RIMS1: variants seen among roughly 807,000 people sequenced by gnomAD.
The protein encoded by RIMS1 is regulating synaptic membrane exocytosis 1, also known as regulating synaptic membrane exocytosis protein 1.
RIMS1 carries 83 observed loss-of-function variants against 214.1 expected under a neutral mutation model. That is an observed-to-expected ratio of 0.39 (90% confidence interval 0.32 to 0.47). The LOEUF (loss-of-function observed/expected upper bound fraction) is 0.47. Ranked by LOEUF, RIMS1 falls within the 20% of genes least tolerant of loss-of-function variation. The pLI is 0.99. For missense variants in RIMS1, 2,050 were observed against 2,161.8 expected (o/e 0.95, Z 1.03); for synonymous variants, 793 against 786.8 (o/e 1.01, Z -0.13).
chr6:71,982,649 C>T (rs1798793254), intron 2 of RIMS1, among the ~76,000 whole-genome samples: 1 of 152,180 alleles, frequency 6.6e-6, no homozygotes, highest in African/African-American at 2.4e-5. Context: ...TAATCAGTCA[C>T]TATGTCCTGT....
intron 4 of RIMS1, among the ~76,000 whole-genome samples, chr6:72,131,362 C>A (rs1480325991): frequency 1.3e-5 from 2 of 152,112 alleles, no homozygotes; most frequent in East Asian, 1.9e-4. Context: ...CACGTAGGTT[C>A]TTTTCTGTTT....
intron 4 of RIMS1, among the ~76,000 whole-genome samples, chr6:72,135,343 TATC>T (rs1211380437): frequency 1.3e-5 from 2 of 152,262 alleles, no homozygotes; most frequent in South Asian, 2.1e-4. Flanking sequence ...TCAGTGCAAT[TATC>T]ATGCATAATG....
intron 2 of RIMS1, among the ~76,000 whole-genome samples, chr6:71,975,679 T>A (rs558833801): frequency 6.6e-6 from 1 of 152,280 alleles, no homozygotes; most frequent in South Asian, 2.1e-4. Context: ...AATTCAGGAA[T>A]GTTTTCATCA....
intron 2 of RIMS1, among the ~76,000 whole-genome samples, chr6:72,085,334 C>T (rs553694583): frequency 2.1e-4 from 32 of 152,102 alleles, no homozygotes; most frequent in Admixed American, 1.4e-3. Context: ...TCTGAAGCAA[C>T]CTATGTTTAA....
chr6:72,015,741 A>G (rs1267980735), intron 2 of RIMS1, among the ~76,000 whole-genome samples: 1 of 152,120 alleles, frequency 6.6e-6, no homozygotes, highest in Non-Finnish European at 1.5e-5. Flanking sequence ...CCTGGCTAAC[A>G]TGGTGAAACC....
intron 2 of RIMS1, among the ~76,000 whole-genome samples, chr6:71,969,470 C>G (rs1265055928): frequency 6.6e-6 from 1 of 152,136 alleles, no homozygotes; most frequent in Non-Finnish European, 1.5e-5. Flanking sequence ...AGTCCATTAT[C>G]TAACCCTCAA....
At chr6:71,966,017 T>A (rs957492679) in intron 1 of RIMS1, among the ~76,000 whole-genome samples, 1 of 152,204 alleles carries the variant, frequency 6.6e-6, no homozygotes, top group African/African-American at 2.4e-5. Context: ...GTTACACAGT[T>A]TCCATATGTT....
intron 29 of RIMS1, among the ~76,000 whole-genome samples, chr6:72,339,918 C>G (rs1008370680): frequency 9.4e-4 from 143 of 152,078 alleles, no homozygotes; most frequent in African/African-American, 3.4e-3. Flanking sequence ...AAAAGTGTTC[C>G]TATTTCTCCA....
intron 31 of RIMS1, among the ~76,000 whole-genome samples, chr6:72,396,601 A>C (rs1048713618): frequency 2.6e-5 from 4 of 152,352 alleles, no homozygotes; most frequent in African/African-American, 9.6e-5. Context: ...ACATTCATGT[A>C]ATGGAATATT....
At chr6:72,350,196 A>G (rs1390444064) in intron 29 of RIMS1, among the ~76,000 whole-genome samples, 1 of 152,154 alleles carries the variant, frequency 6.6e-6, no homozygotes, top group Non-Finnish European at 1.5e-5. Flanking sequence ...ACACAGAAAA[A>G]AGGAAGGAAA....
intron 2 of RIMS1, among the ~76,000 whole-genome samples, chr6:72,029,193 A>G (rs1817391922): frequency 6.6e-6 from 1 of 152,174 alleles, no homozygotes; most frequent in African/African-American, 2.4e-5. Flanking sequence ...CCAAAGTCTC[A>G]ATAAAACTAT....
At position 72,251,235 on chromosome 6, in the gene RIMS1, A is replaced by G; in HGVS notation, c.2565A>G (p.Thr855=). The change falls in exon 15 of 34, where the codon ACA becomes ACG. Residue 855 remains threonine (T), a synonymous_variant. Transcript: ENST00000521978. The part of the protein sequence containing the change: ...FLGEILIELE[T]ALLDDEPHWY... ...CTCAGATCCTCATAGAATTGGAGAC[A>G]GCGCTTTTAGATGATGAACCGCATT... The G allele has an allele frequency of 6.3e-7, 1 of 1,598,120 alleles. No homozygotes were observed. The highest frequency in any genetic ancestry group is 8.5e-7 in the Non-Finnish European group (1 of 1,171,344).
intron 1 of RIMS1, among the ~76,000 whole-genome samples, chr6:71,919,716 C>T (rs570631878): frequency 4.6e-5 from 7 of 152,012 alleles, no homozygotes; most frequent in African/African-American, 7.2e-5. Context: ...AGATACGGGG[C>T]GGTGAGAGCC....
chr6:72,088,664 A>C (rs952063316), intron 2 of RIMS1, among the ~76,000 whole-genome samples: 4 of 152,136 alleles, frequency 2.6e-5, no homozygotes, highest in African/African-American at 9.7e-5. Context: ...GGCTCAAACT[A>C]TTAGTAGGTA....
rs2048169925 is a variant in RIMS1, at chr6:72,179,594, T to C, written c.491T>C (p.Leu164Ser). 1.2e-6 allele frequency: 2 copies of C among 1,613,824 alleles called. No homozygotes were observed. The highest frequency in any genetic ancestry group is 1.7e-6 in the Non-Finnish European group (2 of 1,179,770). Residue 164 changes from leucine to serine, a missense_variant, in exon 5 of 34, where the codon TTA becomes TCA. Transcript: ENST00000521978. ...AAATAGGTTATGTGGGTATGCAATT[T>C]ATGTCGAAAGCAACAAGAAATCTTA... ...EDKVVMWVCN[L>S]CRKQQEILTK...
chr6:72,247,926 G>A, intron 11 of RIMS1, 89 bp from the exon 12 acceptor site: 1 of 848,864 alleles, frequency 1.2e-6, no homozygotes. Context: ...AGTAATTATG[G>A]TTTTATACAA....
intron 2 of RIMS1, among the ~76,000 whole-genome samples, chr6:71,992,410 CTTTCTTTCTTTCTT>C (rs1562050200): frequency 5.9e-5 from 4 of 68,012 alleles, no homozygotes; most frequent in South Asian, 7.8e-4. Flanking sequence ...CTCTCTCTTT[CTTTCTTTCTTTCTT>C]TCTTTCTTTC....
chr6:72,027,694 G>C (rs981743811), intron 2 of RIMS1, among the ~76,000 whole-genome samples: 3 of 151,772 alleles, frequency 2.0e-5, no homozygotes, highest in African/African-American at 7.3e-5. Flanking sequence ...GCTTCTTACT[G>C]TCATAAAGTT....
At chr6:71,950,377 G>A (rs986713096) in intron 1 of RIMS1, among the ~76,000 whole-genome samples, 4 of 149,754 alleles carry the variant, frequency 2.7e-5, no homozygotes, top group African/African-American at 9.8e-5. Flanking sequence ...ACCTTAATCT[G>A]AAAAAAAAAG....
Sources: gnomAD v4.1 joint callset for allele counts (sites outside exome capture counted in the v4.1 genomes callset) on GRCh38, gnomAD v4.1.1 for gene constraint, MANE v1.5 for transcripts, NCBI Gene and HGNC (gene_info 2026-07-23, HGNC 2026-07-21) for gene names.